The following CFL1 variants were observed in gnomAD, a reference collection of about 807,000 sequenced individuals.
CFL1 encodes the protein cofilin-1.
A neutral mutation model predicts 16.3 loss-of-function variants in CFL1; 2 were observed. That is an observed-to-expected ratio of 0.12 (90% CI 0.05 to 0.39). The LOEUF (loss-of-function observed/expected upper bound fraction) is 0.39, where lower values mean the gene tolerates loss of function less well. CFL1 is among the 10% of genes least tolerant of loss of function. The pLI, the probability that CFL1 is intolerant of heterozygous loss-of-function variation, is 0.99. For missense variants in CFL1, 75 were observed against 212.2 expected (o/e 0.35, Z 4.02); for synonymous variants, 111 against 84.4 (o/e 1.31, Z -1.73).
At chr11:65,855,624 A>G (rs925376427) in intron 3 of CFL1, 30 bp downstream of exon 3, 4 of 1,562,256 alleles carry the variant, frequency 2.6e-6, no homozygotes, top group Non-Finnish European at 3.5e-6. Flanking sequence ...CCAGAGCAGA[A>G]GGGCACTCAG....
In CFL1 at chr11:65,855,320, G is replaced by A. The variant is rs1421048834; in HGVS notation, c.*16C>T. ...GTGGGGCTGCCAGATGCTCCAGGCA[G>A]GGGGCCAGAAGGGGCTCACAAAGGC... On this transcript the variant is annotated 3_prime_UTR_variant, in exon 4 of 4. Coordinates refer to ENST00000308162, the MANE Select transcript of CFL1 (RefSeq NM_005507.3). 6 of 1,605,514 alleles carry A rather than the reference G, an allele frequency of 3.7e-6. 1 individual carries two copies. Among genetic ancestry groups the A allele is most frequent in the South Asian group, 2.2e-5 (2 of 90,860 alleles).
At chr11:65,856,392 AC>A in intron 1 of CFL1, 150 bp from the exon 2 acceptor site, 1 of 675,734 alleles carries the variant, frequency 1.5e-6, no homozygotes, top group Non-Finnish European at 2.5e-6. Context: ...CTGTCAAAGA[AC>A]CAGATGGGAC....
Position 65,855,899 on chromosome 11 carries a change from G to A in CFL1, c.311+36C>T, listed in dbSNP as rs918003468. The stretch of plus-strand genomic sequence containing the variant: ...CAGAAGTTCCCATCATGAGAAAGGG[G>A]GCAGGTGACAGGAAGAAGTGCCAGA... On this transcript the variant is annotated intron_variant, in intron 2 of 3. Transcript: ENST00000308162. The A allele has an allele frequency of 6.3e-6, 10 of 1,590,642 alleles. No homozygotes were observed. The Middle Eastern group carries it at 6.7e-4, about 106-fold the overall frequency.
At chr11:65,857,541 G>A (rs1014520284) in intron 1 of CFL1, 1 of 269,416 alleles carries the variant, frequency 3.7e-6, no homozygotes, top group Middle Eastern at 6.6e-4. Flanking sequence ...CGCCCCAACC[G>A]GGACCCCGTC....
At chr11:65,856,402 A>T (rs1485350351) in intron 1 of CFL1, 160 bp from the exon 2 acceptor site, 2 of 645,048 alleles carry the variant, frequency 3.1e-6, no homozygotes, top group East Asian at 2.8e-5. Flanking sequence ...ACCAGATGGG[A>T]CACAACCTCA....
chr11:65,857,980 C>T (rs1859419742), intron 1 of CFL1, 117 bp downstream of exon 1: 1 of 1,174,880 alleles, frequency 8.5e-7, no homozygotes, highest in African/African-American at 1.6e-5. Flanking sequence ...CGTGCGAGAC[C>T]CTCATCCCGC....
In CFL1 at chr11:65,854,777, C is replaced by G. The variant is rs1267184997; in HGVS notation, c.*559G>C. The G allele has an allele frequency of 6.5e-6, 1 of 153,974 alleles. No homozygotes were observed. Among genetic ancestry groups the G allele is most frequent in the Non-Finnish European group, 1.4e-5 (1 of 69,236 alleles). 9.5% of individuals were successfully genotyped at this position (153,974 alleles called of 1,614,324 possible). ...CCCCCAATCCTGAAGTCTCCTGTGT[C>G]CCAACCTTGAAAAACACATCCCATT... On this transcript the variant is annotated 3_prime_UTR_variant, in exon 4 of 4. Transcript: ENST00000308162.
intron 2 of CFL1, 50 bp downstream of exon 2, chr11:65,855,885 A>G: frequency 6.3e-7 from 1 of 1,577,952 alleles, no homozygotes; most frequent in East Asian, 2.2e-5. Context: ...AGAAGTTCCC[A>G]TCATGAGAAA....
Position 65,855,365 on chromosome 11 carries a change from C to T in CFL1, c.472G>A (p.Val158Ile), listed in dbSNP as rs1859365954. The T allele has an allele frequency of 2.5e-6, 4 of 1,612,002 alleles. No homozygotes were observed. The highest frequency in any genetic ancestry group is 2.2e-5 in the East Asian group (1 of 44,886). The change falls in exon 4 of 4, where the codon GTC (valine) becomes ATC (isoleucine). Residue 158 changes from valine (V) to isoleucine (I), a missense_variant. By Grantham distance (29) the Val-to-Ile change is conservative (BLOSUM62 3). Transcript: ENST00000308162. ...AAAGGCTTGCCCTCCAGGGAGATGA[C>T]GGCACTGCCCCCCAGCTTCTCTGCC... ...TLAEKLGGSA[V>I]ISLEGKPL
chr11:65,855,029 T>C lies in CFL1; in HGVS notation c.*307A>G, dbSNP rs1370724100. The C allele has an allele frequency of 5.8e-6, 2 of 344,536 alleles. No individual in the cohort carries two copies. The highest frequency in any genetic ancestry group is 6.7e-5 in the East Asian group (1 of 14,912). The allele number at this position is 344,536 out of a possible 1,614,324, so 21.3% of individuals were successfully genotyped here. ...GGAAGGGGGAGGACCAGGTGGGGAA[T>C]GGGGATGTTGTTAAAAAAAATACAG... On this transcript the variant is annotated 3_prime_UTR_variant, in exon 4 of 4. Coordinates refer to ENST00000308162, the MANE Select transcript of CFL1 (RefSeq NM_005507.3).
intron 1 of CFL1, chr11:65,857,561 T>C: frequency 4.1e-6 from 1 of 241,842 alleles, no homozygotes; most frequent in Non-Finnish European, 9.1e-6. Context: ...CTTCCCAGCA[T>C]CACCCCTCGC....
intron 1 of CFL1, chr11:65,857,311 C>T (rs1361679893): frequency 1.8e-5 from 6 of 327,172 alleles, no homozygotes; most frequent in South Asian, 8.2e-5. Context: ...TCGGCTCCAC[C>T]CTCACTCAGG....
chr11:65,858,020 T>C, intron 1 of CFL1, 77 bp downstream of exon 1: 1 of 1,453,804 alleles, frequency 6.9e-7, no homozygotes, highest in Non-Finnish European at 9.2e-7. Context: ...GGTGCGGACG[T>C]CGCTCCCCAG....
Position 65,855,078 on chromosome 11 carries a change from G to A in CFL1, c.*258C>T, listed in dbSNP as rs942778933. On this transcript the variant is annotated 3_prime_UTR_variant, in exon 4 of 4. Transcript: ENST00000308162. ...AGGCTCCCCCACAACTGGGGTGCCT[G>A]GGGGGAACTTGGTCTGCTTCAGCCC... The A allele has an allele frequency of 4.5e-5, 20 of 443,724 alleles. No individual in the cohort carries two copies. Among genetic ancestry groups the A allele is most frequent in the African/African-American group, 3.6e-4 (18 of 50,160 alleles). 27.5% of individuals were successfully genotyped at this position (443,724 alleles called of 1,614,324 possible). A position where few individuals can be genotyped will look rare whatever the true frequency, so the allele number is the denominator to read the frequency against.
rs192789185 is a variant in CFL1, at chr11:65,856,390, G to A, written c.4-148C>T. The A allele has an allele frequency of 2.3e-4, 161 of 697,456 alleles. No homozygotes were observed. The East Asian group carries it at 4.2e-3, about 18-fold the overall frequency. 43.2% of individuals were successfully genotyped at this position (697,456 alleles called of 1,614,324 possible). On this transcript the variant is annotated intron_variant, in intron 1 of 3. Coordinates refer to ENST00000308162, the MANE Select transcript of CFL1 (RefSeq NM_005507.3). ...TTTTCCCACCCAAGTCACTGTCAAAGAACCAGATGGGACACAACCTCAGAA... is the reference window on the plus strand; with the variant it reads ...TTTTCCCACCCAAGTCACTGTCAAAAAACCAGATGGGACACAACCTCAGAA...
Position 65,854,956 on chromosome 11 carries a change from A to T in CFL1, c.*380T>A, listed in dbSNP as rs1176386890. 8.2e-6 allele frequency: 2 copies of T among 244,442 alleles called. No homozygotes were observed. Among genetic ancestry groups the T allele is most frequent in the East Asian group, 2.2e-4 (2 of 9,284 alleles). The allele number at this position is 244,442 out of a possible 1,614,324, so 15.1% of individuals were successfully genotyped here. On this transcript the variant is annotated 3_prime_UTR_variant, in exon 4 of 4. Coordinates refer to ENST00000308162, the MANE Select transcript of CFL1 (RefSeq NM_005507.3). The stretch of plus-strand genomic sequence containing the variant: ...CAACATTCCATTTATACACAGAACT[A>T]AACAGACAAGCACAGAGTCACTATT...
intron 1 of CFL1, chr11:65,857,663 G>C (rs1326128092): frequency 9.2e-6 from 2 of 218,462 alleles, no homozygotes; most frequent in African/African-American, 2.4e-5. Flanking sequence ...CGCGCAGACA[G>C]GAACAGCCTT....
intron 3 of CFL1, 22 bp downstream of exon 3, chr11:65,855,632 C>T (rs202067956): frequency 6.4e-7 from 1 of 1,562,348 alleles, no homozygotes; most frequent in Non-Finnish European, 8.7e-7. Flanking sequence ...GAAGGGCACT[C>T]AGCACCAATG....
At position 65,855,023 on chromosome 11, in the gene CFL1, G is replaced by C; in HGVS notation, c.*313C>G. On this transcript the variant is annotated 3_prime_UTR_variant, in exon 4 of 4. Coordinates refer to ENST00000308162, the MANE Select transcript of CFL1 (RefSeq NM_005507.3). ...AGCATGGGAAGGGGGAGGACCAGGTGGGGAATGGGGATGTTGTTAAAAAAA... is the reference window on the plus strand; with the variant it reads ...AGCATGGGAAGGGGGAGGACCAGGTCGGGAATGGGGATGTTGTTAAAAAAA... The C allele has an allele frequency of 2.9e-6, 1 of 341,940 alleles. No homozygotes were observed. The highest frequency in any genetic ancestry group is 5.6e-6 in the Non-Finnish European group (1 of 177,256). The allele number at this position is 341,940 out of a possible 1,614,324, so 21.2% of individuals were successfully genotyped here.
Sources: gnomAD v4.1 joint callset for allele counts on GRCh38, gnomAD v4.1.1 for gene constraint, MANE v1.5 for transcripts, NCBI Gene and HGNC (gene_info 2026-07-23, HGNC 2026-07-21) for gene names.